The following KCNQ1 variants were observed in gnomAD, a reference collection of about 807,000 sequenced individuals.
KCNQ1 encodes potassium voltage-gated channel subfamily KQT member 1.
In KCNQ1, 49 loss-of-function variants were observed where a neutral mutation model predicts 72.4. The observed-to-expected ratio is 0.68, with a 90% CI of 0.54 to 0.86. The LOEUF is 0.86. KCNQ1 is among the 40% of genes least tolerant of loss of function. The probability of loss-of-function intolerance (pLI) is 0.00; values close to 1 mark genes in which losing one functional copy is unlikely to be tolerated. For synonymous variants in KCNQ1, 450 were observed against 412.6 expected, an observed-to-expected ratio of 1.09 and a Z score of -1.10; for missense variants, 790 against 945.1, an observed-to-expected ratio of 0.84 and a Z score of 2.15.
chr11:2,612,388 G>GACC lies in KCNQ1; in HGVS notation c.1393+23537_1393+23539dup. On this transcript the variant is annotated intron_variant, in intron 10 of 15. Coordinates refer to ENST00000155840, the MANE Select transcript of KCNQ1 (RefSeq NM_000218.3). This position sits in a 1 kb window ranked among gnomAD's most constrained non-coding sequence, Gnocchi z 5.5. ...GGTCCCTCATGCCAAAAAGGTTGGG[G>GACC]ACCACTATATTATGGTATCCAATGG... 1 of 398,600 alleles carries GACC rather than the reference G, an allele frequency of 2.5e-6. No homozygotes were observed. Among genetic ancestry groups the GACC allele is most frequent in the Non-Finnish European group, 4.4e-6 (1 of 226,064 alleles). 24.7% of individuals were successfully genotyped at this position (398,600 alleles called of 1,614,324 possible). A position where few individuals can be genotyped will look rare whatever the true frequency, so the allele number is the denominator to read the frequency against.
In KCNQ1 at chr11:2,698,530, C is replaced by T. The variant is rs932472235; in HGVS notation, c.1514+36449C>T. On this transcript the variant is annotated intron_variant, in intron 11 of 15. Coordinates refer to ENST00000155840, the MANE Select transcript of KCNQ1 (RefSeq NM_000218.3). The surrounding 1 kb of genome is among the most constrained non-coding windows in gnomAD (Gnocchi z 5.1). ...CCTGGCAGGTGATCACCACCCCCAA[C>T]TCAGACTGCAACCTTTACTTCGCCC... is the stretch of plus-strand genomic sequence containing the variant. 3.5e-4 allele frequency: 138 copies of T among 398,482 alleles called. 2 individuals carry two copies. Among genetic ancestry groups the T allele is most frequent in the Non-Finnish European group, 4.4e-5 (10 of 226,104 alleles). 24.7% of individuals were successfully genotyped at this position (398,482 alleles called of 1,614,324 possible).
rs72850295 is a variant in KCNQ1 at position 2,723,217 on chromosome 11, C to T, written c.1515-45627C>T. Among the ~76,000 whole-genome samples the T allele has an allele frequency of 0.035, 5,363 of 152,320 alleles. 194 individuals carry two copies. Among genetic ancestry groups the T allele is most frequent in the Non-Finnish European group, 0.048 (3,246 of 68,022 alleles). On this transcript the variant is annotated intron_variant, in intron 11 of 15. Transcript: ENST00000155840. This position sits in a 1 kb window ranked among gnomAD's most constrained non-coding sequence, Gnocchi z 4.2. ...TTGTCCGTGGTGCTCCACACACCTG[C>T]CACAGCTGCTTACCCCACTCCCTGC... is the stretch of plus-strand genomic sequence containing the variant.
rs1394081067 is a variant in KCNQ1 at position 2,683,312 on chromosome 11, G to A, written c.1514+21231G>A. 2.5e-6 allele frequency: 1 copy of A among 398,456 alleles called. No homozygotes were observed. Among genetic ancestry groups the A allele is most frequent in the Non-Finnish European group, 4.4e-6 (1 of 226,068 alleles). The allele number at this position is 398,456 out of a possible 1,614,324, so 24.7% of individuals were successfully genotyped here. A position where few individuals can be genotyped will look rare whatever the true frequency, so the allele number is the denominator to read the frequency against. ...TTTAGTTTGCAAAACCAGACACATAGAGGCCAGGTTTCCCCCGCTCAACAC... is the reference window on the plus strand; with the variant it reads ...TTTAGTTTGCAAAACCAGACACATAAAGGCCAGGTTTCCCCCGCTCAACAC... On this transcript the variant is annotated intron_variant, in intron 11 of 15. Transcript: ENST00000155840. This position sits in a 1 kb window ranked among gnomAD's most constrained non-coding sequence, Gnocchi z 4.7.
At chr11:2,519,808 G>A (rs2133632826) in intron 1 of KCNQ1, among the ~76,000 whole-genome samples, 1 of 152,074 alleles carries the variant, frequency 6.6e-6, no homozygotes, top group East Asian at 1.9e-4. Context: ...ATCCCTGGAA[G>A]CTGCAAATGT....
At chr11:2,675,840 T>A in intron 11 of KCNQ1, 1 of 398,730 alleles carries the variant, frequency 2.5e-6, no homozygotes, top group Non-Finnish European at 4.4e-6. Context: ...CTACCGTGCA[T>A]CCACTGCCTG....
chr11:2,463,692 C>A lies in KCNQ1; in HGVS notation c.386+18208C>A, dbSNP rs1846310988. Among the ~76,000 whole-genome samples, 2 of 152,212 alleles carry A rather than the reference C, an allele frequency of 1.3e-5. No individual in the cohort carries two copies. The highest frequency in any genetic ancestry group is 4.8e-5 in the African/African-American group (2 of 41,454). ...TCAACACACAGGGGCTCGGGGAGGT[C>A]TGTGGGTGCCCAGGCCGAGATGTGA... On this transcript the variant is annotated intron_variant, in intron 1 of 15. Coordinates refer to ENST00000155840, the MANE Select transcript of KCNQ1 (RefSeq NM_000218.3). The surrounding 1 kb of genome is among the most constrained non-coding windows in gnomAD (Gnocchi z 7.0).
chr11:2,555,065 A>G (rs1451710148), intron 2 of KCNQ1, among the ~76,000 whole-genome samples: 1 of 152,104 alleles, frequency 6.6e-6, no homozygotes, highest in South Asian at 2.1e-4. Context: ...TTCCTGTCCC[A>G]ACACTGCGCG....
In KCNQ1 at chr11:2,670,290, T is replaced by C. The variant is rs1010102628; in HGVS notation, c.1514+8209T>C. On this transcript the variant is annotated intron_variant, in intron 11 of 15. Coordinates refer to ENST00000155840, the MANE Select transcript of KCNQ1 (RefSeq NM_000218.3). The surrounding 1 kb of genome is among the most constrained non-coding windows in gnomAD (Gnocchi z 4.9). ...TGGTAGCTTGTCTCTAGGCAACCCA[T>C]AGGTGCCCAATGGAGAGATAATCTC... is the stretch of plus-strand genomic sequence containing the variant. 2.0e-5 allele frequency: 8 copies of C among 398,416 alleles called. No homozygotes were observed. The highest frequency in any genetic ancestry group is 1.4e-4 in the African/African-American group (7 of 48,604). 24.7% of individuals were successfully genotyped at this position (398,416 alleles called of 1,614,324 possible).
Position 2,704,114 on chromosome 11 carries a change from C to T in KCNQ1, c.1514+42033C>T, listed in dbSNP as rs1482954359. ...CCCCTTCAGTGAGGCTTTTTGCATG[C>T]ATTGGTCCACACACCCACCACTGCA... On this transcript the variant is annotated intron_variant, in intron 11 of 15. Transcript: ENST00000155840. This position sits in a 1 kb window ranked among gnomAD's most constrained non-coding sequence, Gnocchi z 4.3. 1.3e-5 allele frequency among the ~76,000 whole-genome samples: 2 copies of T among 152,228 alleles called. No individual in the cohort carries two copies. Among genetic ancestry groups the T allele is most frequent in the East Asian group, 1.9e-4 (1 of 5,200 alleles).
chr11:2,506,414 T>A (rs1431810608), intron 1 of KCNQ1, among the ~76,000 whole-genome samples: 1 of 152,230 alleles, frequency 6.6e-6, no homozygotes, highest in Non-Finnish European at 1.5e-5. Flanking sequence ...CACCCCATAC[T>A]TTATGGTTGG....
At position 2,672,526 on chromosome 11, in the gene KCNQ1, T is replaced by C. The variant is rs73419315; in HGVS notation, c.1514+10445T>C. The C allele has an allele frequency of 3.6e-3, 1,442 of 398,678 alleles. 11 individuals carry two copies. The highest frequency in any genetic ancestry group is 0.022 in the African/African-American group (1,093 of 48,772). 24.7% of individuals were successfully genotyped at this position (398,678 alleles called of 1,614,324 possible). A position where few individuals can be genotyped will look rare whatever the true frequency, so the allele number is the denominator to read the frequency against. On this transcript the variant is annotated intron_variant, in intron 11 of 15. Coordinates refer to ENST00000155840, the MANE Select transcript of KCNQ1 (RefSeq NM_000218.3). ...AGCTCTGTGCTCCCAGGCCTCTCCA[T>C]TACCAGCCTGTCTTCCACATTGGAA...
In KCNQ1 at chr11:2,687,782, A is replaced by G; in HGVS notation, c.1514+25701A>G. On this transcript the variant is annotated intron_variant, in intron 11 of 15. Transcript: ENST00000155840. The surrounding 1 kb of genome is among the most constrained non-coding windows in gnomAD (Gnocchi z 5.0). ...GGAGCCCCTTAGCAGGCCTAACCAC[A>G]CCCCTAAGCCACCCAGCCTGGCCCC... 1 of 398,376 alleles carries G rather than the reference A, an allele frequency of 2.5e-6. No homozygotes were observed. Among genetic ancestry groups the G allele is most frequent in the Non-Finnish European group, 4.4e-6 (1 of 226,100 alleles). The allele number at this position is 398,376 out of a possible 1,614,324, so 24.7% of individuals were successfully genotyped here.
chr11:2,613,277 T>C lies in KCNQ1; in HGVS notation c.1393+24423T>C. ...AGCAGGAAACCTCTCTGATCTCTCC[T>C]GCAAGCATGTACAACTTCCATATCT... On this transcript the variant is annotated intron_variant, in intron 10 of 15. Coordinates refer to ENST00000155840, the MANE Select transcript of KCNQ1 (RefSeq NM_000218.3). This position sits in a 1 kb window ranked among gnomAD's most constrained non-coding sequence, Gnocchi z 4.8. The C allele has an allele frequency of 7.5e-6, 3 of 398,618 alleles. No individual in the cohort carries two copies. The highest frequency in any genetic ancestry group is 1.3e-5 in the Non-Finnish European group (3 of 226,064). The allele number at this position is 398,618 out of a possible 1,614,324, so 24.7% of individuals were successfully genotyped here. A position where few individuals can be genotyped will look rare whatever the true frequency, so the allele number is the denominator to read the frequency against.
Position 2,468,627 on chromosome 11 carries a change from G to A in KCNQ1, c.386+23143G>A, listed in dbSNP as rs191247965. ...CCACTGCTGCCCTACCATCAGGCAC[G>A]ATGGATGGGCTTGTGCCTTGTGGAA... is the stretch of plus-strand genomic sequence containing the variant. On this transcript the variant is annotated intron_variant, in intron 1 of 15. Transcript: ENST00000155840. The surrounding 1 kb of genome is among the most constrained non-coding windows in gnomAD (Gnocchi z 5.7). Among the ~76,000 whole-genome samples the A allele has an allele frequency of 1.9e-4, 28 of 150,958 alleles. No individual in the cohort carries two copies. The Middle Eastern group carries it at 0.01, about 55-fold the overall frequency.
rs1471854242 is a variant in KCNQ1 at position 2,447,412 on chromosome 11, C to T, written c.386+1928C>T. Among the ~76,000 whole-genome samples, 3 of 152,056 alleles carry T rather than the reference C, an allele frequency of 2.0e-5. No homozygotes were observed. Among genetic ancestry groups the T allele is most frequent in the Non-Finnish European group, 2.9e-5 (2 of 68,000 alleles). On this transcript the variant is annotated intron_variant, in intron 1 of 15. Coordinates refer to ENST00000155840, the MANE Select transcript of KCNQ1 (RefSeq NM_000218.3). This position sits in a 1 kb window ranked among gnomAD's most constrained non-coding sequence, Gnocchi z 7.6. ...GTCCTTGTAAGACGTGTGCCTGGCC[C>T]TGGGAAGTTGTCATGAACAGCCTCC...
At position 2,588,836 on chromosome 11, in the gene KCNQ1, G is replaced by C. The variant is rs747704276; in HGVS notation, c.1375G>C (p.Asp459His). Reference protein sequence around the residue: ...EERRLDHFSVDGYDSSVRKSP... With the variant: ...EERRLDHFSVHGYDSSVRKSP... ...GCGGCGGCTGGACCACTTCTCTGTCGACGGCTATGACAGTTCTGGTGAGAA... is the reference window on the plus strand; with the variant it reads ...GCGGCGGCTGGACCACTTCTCTGTCCACGGCTATGACAGTTCTGGTGAGAA... Residue 459 changes from aspartate (D) to histidine (H), a missense_variant, in exon 10 of 16, where the codon GAC (aspartate) becomes CAC (histidine). By Grantham distance (81) the Asp-to-His change is moderately conservative. This residue lies in a region of KCNQ1 where 178 missense variants were observed against 177.9 expected (regional missense o/e 1.00). Transcript: ENST00000155840. This position sits in a 1 kb window ranked among gnomAD's most constrained non-coding sequence, Gnocchi z 5.6. The C allele has an allele frequency of 1.2e-6, 2 of 1,612,032 alleles. No homozygotes were observed. The highest frequency in any genetic ancestry group is 2.2e-5 in the East Asian group (1 of 44,868).
At position 2,451,730 on chromosome 11, in the gene KCNQ1, T is replaced by C. The variant is rs867818616; in HGVS notation, c.386+6246T>C. 6.6e-5 allele frequency among the ~76,000 whole-genome samples: 10 copies of C among 152,204 alleles called. No homozygotes were observed. Among genetic ancestry groups the C allele is most frequent in the Non-Finnish European group, 1.0e-4 (7 of 68,026 alleles). On this transcript the variant is annotated intron_variant, in intron 1 of 15. Transcript: ENST00000155840. The surrounding 1 kb of genome is among the most constrained non-coding windows in gnomAD (Gnocchi z 6.4). ...CTCCAGGACAGGCCCCTGCCCGCTCTGGGACCTGGGGCCTGGGCTCTGCTC... is the reference window on the plus strand; with the variant it reads ...CTCCAGGACAGGCCCCTGCCCGCTCCGGGACCTGGGGCCTGGGCTCTGCTC...
rs1023819811 is a variant in KCNQ1 at position 2,527,913 on chromosome 11, G to A, written c.387-15G>A. 1 of 1,612,574 alleles carries A rather than the reference G, an allele frequency of 6.2e-7. No individual in the cohort carries two copies. Among genetic ancestry groups the A allele is most frequent in the African/African-American group, 1.3e-5 (1 of 75,024 alleles). On this transcript the variant is annotated splice_polypyrimidine_tract_variant and intron_variant, in intron 1 of 15. Transcript: ENST00000155840. ...CAGAGGCCGTGATGCTGACTGCCGT[G>A]TCCCTGTCTTGCAGCTTCCTCATCG...
chr11:2,611,595 T>G lies in KCNQ1; in HGVS notation c.1393+22741T>G, dbSNP rs1293713806. On this transcript the variant is annotated intron_variant, in intron 10 of 15. Transcript: ENST00000155840. The surrounding 1 kb of genome is among the most constrained non-coding windows in gnomAD (Gnocchi z 5.3). The stretch of plus-strand genomic sequence containing the variant: ...CTTTTTCCATCATTTTACTTTCAAC[T>G]ATGTCTTTGAATCTAGAATGTGACT... The G allele has an allele frequency of 5.0e-6, 2 of 398,498 alleles. No individual in the cohort carries two copies. The highest frequency in any genetic ancestry group is 4.1e-5 in the African/African-American group (2 of 48,634). The allele number at this position is 398,498 out of a possible 1,614,324, so 24.7% of individuals were successfully genotyped here.
Sources: gnomAD v4.1 joint callset for allele counts (sites outside exome capture counted in the v4.1 genomes callset) on GRCh38, gnomAD v4.1.1 for gene constraint, gnomAD v4.1.1 regional missense constraint, Gnocchi (gnomAD v3.1) non-coding constraint, MANE v1.5 for transcripts, NCBI Gene and HGNC (gene_info 2026-07-23, HGNC 2026-07-21) for gene names.